The following SNRK variants were observed in gnomAD, a reference collection of about 807,000 sequenced individuals.
SNRK encodes SNF related kinase, also known as SNF-related serine/threonine-protein kinase.
In SNRK, 3 loss-of-function variants were observed where a neutral mutation model predicts 48.2. The ratio of observed to expected loss-of-function variants is 0.06; its 90% confidence interval spans 0.03 to 0.16. The LOEUF (loss-of-function observed/expected upper bound fraction) is 0.16, where lower values mean the gene tolerates loss of function less well. Among genes scored for constraint, SNRK ranks in the 10% least tolerant of loss-of-function variants. The probability of loss-of-function intolerance (pLI) is 1.00; values close to 1 mark genes in which losing one functional copy is unlikely to be tolerated. For synonymous variants in SNRK, 376 were observed against 366.1 expected, an observed-to-expected ratio of 1.03 and a Z score of -0.31; for missense variants, 627 against 976.0, an observed-to-expected ratio of 0.64 and a Z score of 4.76.
chr3:43,324,883 C>T (rs1427322502), intron 3 of SNRK, among the ~76,000 whole-genome samples: 1 of 152,154 alleles, frequency 6.6e-6, no homozygotes, highest in East Asian at 1.9e-4. Flanking sequence ...AAGTTCATTT[C>T]TCTTTACTCT....
In SNRK at chr3:43,312,321, C is replaced by T. The variant is rs2090984432; in HGVS notation, c.589+8529C>T. Among the ~76,000 whole-genome samples, 3 of 152,326 alleles carry T rather than the reference C, an allele frequency of 2.0e-5. No homozygotes were observed. In the South Asian group the frequency reaches 6.2e-4, roughly 32 times the overall value. On this transcript the variant is annotated intron_variant, in intron 3 of 6. Coordinates refer to ENST00000296088, the MANE Select transcript of SNRK (RefSeq NM_017719.5). ...TATATACACTCTCTACAACATTTCT[C>T]ATTTGCAGTTCAGCATTTAATGGAA...
At chr3:43,339,228 C>A (rs1209593942) in intron 4 of SNRK, among the ~76,000 whole-genome samples, 3 of 152,176 alleles carry the variant, frequency 2.0e-5, no homozygotes, top group Non-Finnish European at 4.4e-5. Context: ...TGTGTGAGGA[C>A]CAGCTTGTAG....
chr3:43,313,368 A>G (rs1402464579), intron 3 of SNRK, among the ~76,000 whole-genome samples: 2 of 152,212 alleles, frequency 1.3e-5, no homozygotes, highest in Non-Finnish European at 2.9e-5. Context: ...ATACCATGGA[A>G]TACTATGCAG....
In SNRK at chr3:43,332,152, A is replaced by G; in HGVS notation, c.590-17A>G. On this transcript the variant is annotated splice_polypyrimidine_tract_variant and intron_variant, in intron 3 of 6. Coordinates refer to ENST00000296088, the MANE Select transcript of SNRK (RefSeq NM_017719.5). ...TCTAATTAGTCCAATATTTTAAAGT[A>G]TGTCTTTGATTTATAGATATTTGGA... The G allele has an allele frequency of 6.6e-7, 1 of 1,517,712 alleles. No individual in the cohort carries two copies. The highest frequency in any genetic ancestry group is 8.8e-7 in the Non-Finnish European group (1 of 1,133,144). The allele number at this position is 1,517,712 out of a possible 1,614,324, so 94.0% of individuals were successfully genotyped here.
At chr3:43,287,312 T>C (rs1392497241) in intron 1 of SNRK, among the ~76,000 whole-genome samples, 1 of 152,194 alleles carries the variant, frequency 6.6e-6, no homozygotes, top group Non-Finnish European at 1.5e-5. Context: ...AGTCATCGCC[T>C]GTTGATTTCT....
intron 3 of SNRK, among the ~76,000 whole-genome samples, chr3:43,307,701 G>C (rs201720187): frequency 2.2e-4 from 33 of 150,860 alleles, no homozygotes; most frequent in South Asian, 8.3e-4. Context: ...CTCTCTCTCT[G>C]TCTCTCTCTC....
At chr3:43,331,818 G>A (rs1194072872) in intron 3 of SNRK, among the ~76,000 whole-genome samples, 3 of 152,094 alleles carry the variant, frequency 2.0e-5, no homozygotes, top group South Asian at 4.1e-4. Flanking sequence ...TAATATATTA[G>A]TTTTATTTCT....
At chr3:43,292,383 G>C (rs544985512) in intron 1 of SNRK, among the ~76,000 whole-genome samples, 6 of 152,336 alleles carry the variant, frequency 3.9e-5, no homozygotes, top group African/African-American at 1.4e-4. Flanking sequence ...GAGGCTCTTT[G>C]ATGAGAAGCT....
intron 3 of SNRK, among the ~76,000 whole-genome samples, chr3:43,313,780 A>T (rs1021499307): frequency 1.3e-5 from 2 of 152,222 alleles, no homozygotes; most frequent in African/African-American, 4.8e-5. Flanking sequence ...TATTGGGGGA[A>T]ACTGGGTGAA....
intron 4 of SNRK, among the ~76,000 whole-genome samples, chr3:43,335,912 T>A (rs2091184281): frequency 1.3e-5 from 2 of 152,228 alleles, no homozygotes; most frequent in South Asian, 4.1e-4. Context: ...TGTAGAGTTT[T>A]TCTTTCTTTT....
intron 4 of SNRK, among the ~76,000 whole-genome samples, chr3:43,338,796 A>G (rs1050378477): frequency 5.9e-5 from 9 of 152,098 alleles, no homozygotes; most frequent in Non-Finnish European, 8.8e-5. Context: ...CATTTTTAGA[A>G]GCCCTATTTA....
chr3:43,328,572 C>T (rs1263897506), intron 3 of SNRK, among the ~76,000 whole-genome samples: 2 of 152,120 alleles, frequency 1.3e-5, no homozygotes, highest in Non-Finnish European at 2.9e-5. Context: ...TACCACTTCC[C>T]ACCCCCATTT....
intron 3 of SNRK, among the ~76,000 whole-genome samples, chr3:43,307,734 C>G (rs1348032674): frequency 6.6e-6 from 1 of 152,088 alleles, no homozygotes; most frequent in Non-Finnish European, 1.5e-5. Context: ...TCCCTATTCT[C>G]TGAGATACAA....
intron 3 of SNRK, among the ~76,000 whole-genome samples, chr3:43,312,783 C>T (rs1487532644): frequency 6.6e-6 from 1 of 152,112 alleles, no homozygotes; most frequent in Non-Finnish European, 1.5e-5. Context: ...CCAAATCAAT[C>T]GCTTTTCTGT....
At chr3:43,320,422 A>C (rs2091044813) in intron 3 of SNRK, among the ~76,000 whole-genome samples, 1 of 152,200 alleles carries the variant, frequency 6.6e-6, no homozygotes, top group Non-Finnish European at 1.5e-5. Context: ...AACAACATGG[A>C]TTGGGAGCTC....
At chr3:43,319,691 C>T (rs951626580) in intron 3 of SNRK, among the ~76,000 whole-genome samples, 6 of 152,146 alleles carry the variant, frequency 3.9e-5, no homozygotes, top group Admixed American at 6.6e-5. Flanking sequence ...ACCTGGCAAA[C>T]GTAACAAGCT....
intron 1 of SNRK, among the ~76,000 whole-genome samples, chr3:43,294,061 TTG>T (rs1466274621): frequency 2.6e-5 from 4 of 152,210 alleles, no homozygotes; most frequent in African/African-American, 9.6e-5. Context: ...GTTGGGTATA[TTG>T]TGTTTTATTT....
intron 3 of SNRK, among the ~76,000 whole-genome samples, chr3:43,329,331 G>A (rs2091127887): frequency 6.6e-6 from 1 of 151,978 alleles, no homozygotes; most frequent in South Asian, 2.1e-4. Context: ...CTAGCTACTC[G>A]GGAGGCTAAG....
At chr3:43,292,846 T>C (rs776241486) in intron 1 of SNRK, among the ~76,000 whole-genome samples, 1 of 152,342 alleles carries the variant, frequency 6.6e-6, no homozygotes, top group East Asian at 1.9e-4. Flanking sequence ...TCTCTTTTTA[T>C]ATGGGGATAC....
Sources: gnomAD v4.1 joint callset for allele counts (sites outside exome capture counted in the v4.1 genomes callset) on GRCh38, gnomAD v4.1.1 for gene constraint, MANE v1.5 for transcripts, NCBI Gene and HGNC (gene_info 2026-07-23, HGNC 2026-07-21) for gene names.